DENND1B: variants seen among roughly 807,000 people sequenced by gnomAD.
The protein encoded by DENND1B is DENN domain containing 1B.
DENND1B carries 59 observed loss-of-function variants against 90.1 expected under a neutral mutation model. That is an observed-to-expected ratio of 0.65 (90% CI 0.53 to 0.81). The LOEUF is 0.81. Among genes scored for constraint, DENND1B ranks in the 40% least tolerant of loss-of-function variants. DENND1B has a pLI of 0.00. For synonymous variants in DENND1B, 337 were observed against 324.6 expected (o/e 1.04, Z -0.41); for missense variants, 862 against 912.6 (o/e 0.94, Z 0.71).
rs933403636 is a variant in DENND1B at position 197,507,646 on chromosome 1, GCTT to G, written c.*2811_*2813del. ...ACAATTCTGTTGTATAACAGGTGTTGCTTCTTTGAAAAATAATTTCAAAAAGCA... is the reference window on the plus strand; with the variant it reads ...ACAATTCTGTTGTATAACAGGTGTTGCTTTGAAAAATAATTTCAAAAAGCA... On this transcript the variant is annotated 3_prime_UTR_variant, in exon 23 of 23. Transcript: ENST00000620048. 2.0e-5 allele frequency: 3 copies of G among 151,492 alleles called. No individual in the cohort carries two copies. Among genetic ancestry groups the G allele is most frequent in the African/African-American group, 7.3e-5 (3 of 41,358 alleles). The allele number at this position is 151,492 out of a possible 1,614,324, so 9.4% of individuals were successfully genotyped here.
At chr1:197,594,750 G>A (rs1364643929) in intron 14 of DENND1B, among the ~76,000 whole-genome samples, 1 of 152,082 alleles carries the variant, frequency 6.6e-6, no homozygotes, top group African/African-American at 2.4e-5. Flanking sequence ...AAAGGGTCAT[G>A]AATTAGGAAG....
chr1:197,552,558 C>A, intron 16 of DENND1B: 1 of 985,008 alleles, frequency 1.0e-6, no homozygotes, highest in South Asian at 4.7e-5. Context: ...AAGGTAAAGA[C>A]ATCTGTATAA....
chr1:197,547,240 C>T (rs1164253365), intron 16 of DENND1B, among the ~76,000 whole-genome samples: 2 of 151,186 alleles, frequency 1.3e-5, no homozygotes, highest in Admixed American at 1.3e-4. Context: ...TGCACTCCAG[C>T]CTGGGAGACA....
At chr1:197,740,341 G>A (rs1238314886) in intron 2 of DENND1B, among the ~76,000 whole-genome samples, 5 of 152,102 alleles carry the variant, frequency 3.3e-5, no homozygotes, top group South Asian at 2.1e-4. Flanking sequence ...GTAAACAAGG[G>A]GGATTTGAGC....
Position 197,599,287 on chromosome 1 carries a change from C to A in DENND1B, c.922-3954G>T, listed in dbSNP as rs947019156. On this transcript the variant is annotated intron_variant, in intron 13 of 22. Transcript: ENST00000620048. ...GTAACAGATTTTTTCTTTTACTTAA[C>A]TTTTAGATGTGATTTCTAGATATGC... is the stretch of plus-strand genomic sequence containing the variant. Among the ~76,000 whole-genome samples the A allele has an allele frequency of 5.3e-5, 8 of 151,692 alleles. No homozygotes were observed. The East Asian group carries it at 1.6e-3, about 29-fold the overall frequency.
At chr1:197,667,703 A>G (rs1655087291) in intron 5 of DENND1B, among the ~76,000 whole-genome samples, 1 of 152,096 alleles carries the variant, frequency 6.6e-6, no homozygotes. Flanking sequence ...CAAGCCCCCA[A>G]TTCCATTCTT....
At chr1:197,695,634 C>T (rs1351469911) in intron 3 of DENND1B, among the ~76,000 whole-genome samples, 1 of 150,466 alleles carries the variant, frequency 6.6e-6, no homozygotes, top group Non-Finnish European at 1.5e-5. Context: ...TGGTTCAAGA[C>T]ATTTCATTCT....
chr1:197,537,542 G>A (rs1200188912), intron 20 of DENND1B, among the ~76,000 whole-genome samples: 1 of 151,970 alleles, frequency 6.6e-6, no homozygotes, highest in African/African-American at 2.4e-5. Flanking sequence ...AAATTACTAA[G>A]AGAATAGATT....
rs556058717 is a variant in DENND1B, at chr1:197,760,599, G to T, written c.82+12269C>A. Among the ~76,000 whole-genome samples, 4 of 148,234 alleles carry T rather than the reference G, an allele frequency of 2.7e-5. No homozygotes were observed. In the Admixed American group the frequency reaches 2.7e-4, roughly 10 times the overall value. On this transcript the variant is annotated intron_variant, in intron 2 of 22. Coordinates refer to ENST00000620048, the MANE Select transcript of DENND1B (RefSeq NM_001195215.2). ...GGAAGTTGCAGTGAGCCAAGATCAC[G>T]TCACTGCACTTCAGCCTGGGCAACA...
chr1:197,520,688 A>AT (rs1423722266), intron 20 of DENND1B, among the ~76,000 whole-genome samples: 2 of 151,858 alleles, frequency 1.3e-5, no homozygotes, highest in African/African-American at 4.8e-5. Flanking sequence ...ACAAGGGTAC[A>AT]TTTTTTTGGA....
intron 10 of DENND1B, among the ~76,000 whole-genome samples, chr1:197,635,055 G>A (rs1011653234): frequency 6.6e-6 from 1 of 151,690 alleles, no homozygotes; most frequent in African/African-American, 2.4e-5. Flanking sequence ...GAAGGAGGAA[G>A]TAATCAGCAC....
At chr1:197,599,519 T>A (rs117443212) in intron 13 of DENND1B, among the ~76,000 whole-genome samples, 1 of 151,872 alleles carries the variant, frequency 6.6e-6, no homozygotes, top group Non-Finnish European at 1.5e-5. Context: ...AAAAACTACA[T>A]ACATTTAGAA....
chr1:197,733,507 T>A (rs1219730852), intron 2 of DENND1B, among the ~76,000 whole-genome samples: 2 of 152,154 alleles, frequency 1.3e-5, no homozygotes, highest in Non-Finnish European at 2.9e-5. Context: ...TCATAAAAGG[T>A]TTTTCACAGT....
intron 7 of DENND1B, among the ~76,000 whole-genome samples, chr1:197,651,844 A>T (rs1244577194): frequency 6.6e-6 from 1 of 151,406 alleles, no homozygotes; most frequent in Non-Finnish European, 1.5e-5. Context: ...TTTAGTAGAG[A>T]TGGGGTTTCA....
At position 197,508,917 on chromosome 1, in the gene DENND1B, C is replaced by T. The variant is rs1313338430; in HGVS notation, c.*1543G>A. ...AGAAAGAAGAAACAAATTTTCTATA[C>T]AGAATTCCCAGTTATTTATGTAGAT... On this transcript the variant is annotated 3_prime_UTR_variant, in exon 23 of 23. Transcript: ENST00000620048. 1 of 151,546 alleles carries T rather than the reference C, an allele frequency of 6.6e-6. No homozygotes were observed. The highest frequency in any genetic ancestry group is 2.4e-5 in the African/African-American group (1 of 41,300). 9.4% of individuals were successfully genotyped at this position (151,546 alleles called of 1,614,324 possible). A position where few individuals can be genotyped will look rare whatever the true frequency, so the allele number is the denominator to read the frequency against.
chr1:197,593,416 A>C (rs1022199648), intron 14 of DENND1B, among the ~76,000 whole-genome samples: 2 of 151,782 alleles, frequency 1.3e-5, no homozygotes, highest in African/African-American at 2.4e-5. Context: ...AAAGAAAAAA[A>C]TGTAGGCAAC....
chr1:197,547,082 C>T (rs751142905), intron 16 of DENND1B, among the ~76,000 whole-genome samples: 2 of 152,106 alleles, frequency 1.3e-5, no homozygotes, highest in Admixed American at 6.5e-5. Context: ...CTCCCTAAGT[C>T]GCAGGGGTAA....
At chr1:197,588,173 G>T (rs1173264238) in intron 14 of DENND1B, among the ~76,000 whole-genome samples, 3 of 152,166 alleles carry the variant, frequency 2.0e-5, no homozygotes, top group Admixed American at 6.5e-5. Context: ...ATAAATATCT[G>T]CTAGTTACTA....
At chr1:197,511,665 G>A (rs1196033345) in intron 22 of DENND1B, 63 bp downstream of exon 22, 8 of 1,348,230 alleles carry the variant, frequency 5.9e-6, no homozygotes, top group Non-Finnish European at 8.0e-6. Flanking sequence ...ATAAGATCCA[G>A]TAATCACAGC....
Sources: allele counts gnomAD v4.1 joint callset (sites outside exome capture counted in the v4.1 genomes callset), GRCh38; gene constraint gnomAD v4.1.1; transcripts MANE v1.5; gene names NCBI Gene and HGNC (gene_info 2026-07-23, HGNC 2026-07-21).